OVCH2: variants seen among roughly 807,000 people sequenced by gnomAD.
OVCH2 encodes the protein ovochymase-2.
A neutral mutation model predicts 73.7 loss-of-function variants in OVCH2; 88 were observed. The ratio of observed to expected loss-of-function variants is 1.19; its 90% CI spans 1.01 to 1.43. The LOEUF is 1.43. Among genes scored for constraint, OVCH2 ranks in the 40% most tolerant of loss-of-function variants. OVCH2 has a pLI of 0.00. For missense variants in OVCH2, 706 were observed against 674.5 expected, an observed-to-expected ratio of 1.05 and a Z score of -0.52; for synonymous variants, 265 against 234.5, an observed-to-expected ratio of 1.13 and a Z score of -1.19.
chr11:7,680,540 C>T, the OVCH2 span, among the ~76,000 whole-genome samples: 1 of 152,054 alleles, frequency 6.6e-6, no homozygotes, highest in African/African-American at 2.4e-5. Flanking sequence ...GAAGGCAGTG[C>T]CATAACAGAA....
At chr11:7,691,114 G>GTA in intron 14 of OVCH2, 155 bp downstream of exon 14, 1 of 932,928 alleles carries the variant, frequency 1.1e-6, no homozygotes, top group Non-Finnish European at 1.6e-6. Flanking sequence ...GGATGGCTGA[G>GTA]TATTCTCTTA....
At chr11:7,687,148 A>G (rs1191987437), downstream of OVCH2, among the ~76,000 whole-genome samples, 1 of 152,124 alleles carries the variant, frequency 6.6e-6, no homozygotes, top group Admixed American at 6.5e-5. Context: ...AAAAAAAAGA[A>G]TATATTTTCA....
At chr11:7,698,262 G>A (rs566950999) in intron 8 of OVCH2, among the ~76,000 whole-genome samples, 14 of 151,958 alleles carry the variant, frequency 9.2e-5, no homozygotes, top group African/African-American at 3.4e-4. Flanking sequence ...ATCTTTCCAC[G>A]GGTTCAAAGA....
chr11:7,703,122 T>C (rs995776510), intron 3 of OVCH2, among the ~76,000 whole-genome samples: 1 of 152,184 alleles, frequency 6.6e-6, no homozygotes, highest in African/African-American at 2.4e-5. Context: ...CAGGAAATGT[T>C]TGCAGACTTG....
At chr11:7,685,086 CCAAGAAA>C (rs1470885971), downstream of OVCH2, among the ~76,000 whole-genome samples, 1 of 152,158 alleles carries the variant, frequency 6.6e-6, no homozygotes, top group Non-Finnish European at 1.5e-5. Flanking sequence ...TCTCACTTGA[CCAAGAAA>C]CATGAGAGTC....
chr11:7,686,366 T>A (rs1393961264), downstream of OVCH2, among the ~76,000 whole-genome samples: 1 of 152,224 alleles, frequency 6.6e-6, no homozygotes, highest in Non-Finnish European at 1.5e-5. Flanking sequence ...ATATAATGGA[T>A]TGTACATTAA....
At chr11:7,706,250 G>A (rs547982603) in intron 1 of OVCH2, 57 bp downstream of exon 1, 35 of 1,474,426 alleles carry the variant, frequency 2.4e-5, no homozygotes, top group South Asian at 9.1e-5. Flanking sequence ...GAGTTGTGAC[G>A]TCCATTGCCA....
Position 7,696,338 on chromosome 11 carries a change from T to C in OVCH2, c.1141+127A>G. The C allele has an allele frequency of 4.5e-6, 6 of 1,346,008 alleles. 1 individual carries two copies. Among genetic ancestry groups the C allele is most frequent in the Non-Finnish European group, 6.1e-6 (6 of 987,542 alleles). 83.4% of individuals were successfully genotyped at this position (1,346,008 alleles called of 1,614,324 possible). A position where few individuals can be genotyped will look rare whatever the true frequency, so the allele number is the denominator to read the frequency against. On this transcript the variant is annotated intron_variant, in intron 10 of 15. Coordinates refer to ENST00000533663, the MANE Select transcript of OVCH2 (RefSeq NM_198185.7). ...TTTGGTTCCTTCCCACTCCCAATTC[T>C]GAGTCTCAAAGCGGAAGTCAAGAAG...
At chr11:7,693,988 A>G (rs1719550935) in intron 12 of OVCH2, among the ~76,000 whole-genome samples, 2 of 152,080 alleles carry the variant, frequency 1.3e-5, no homozygotes, top group Admixed American at 1.3e-4. Flanking sequence ...GTTTTAAGTT[A>G]AAGGCTGCAT....
downstream of OVCH2, among the ~76,000 whole-genome samples, chr11:7,687,555 C>T (rs1856156276): frequency 6.6e-6 from 1 of 152,120 alleles, no homozygotes; most frequent in South Asian, 2.1e-4. Flanking sequence ...TTTCTCACCT[C>T]CCATTCACTC....
In OVCH2 at chr11:7,695,082, T is replaced by G; in HGVS notation, c.1389A>C (p.Gln463His). 6.4e-7 allele frequency: 1 copy of G among 1,551,298 alleles called. No individual in the cohort carries two copies. Among genetic ancestry groups the G allele is most frequent in the Non-Finnish European group, 8.7e-7 (1 of 1,146,902 alleles). The change falls in exon 12 of 16, where the codon CAA (glutamine) becomes CAC (histidine). Residue 463 changes from glutamine (Q) to histidine (H), a missense_variant. Coordinates refer to ENST00000533663, the MANE Select transcript of OVCH2 (RefSeq NM_198185.7). ...CCTTAATTAGGTGATGTTTGGAGGC[T>G]TGAAAAATCCAGTCACAGTTAGCCT... ...SDKANCDWIFQASKHHLIKLS... is the reference protein window; with the variant it reads ...SDKANCDWIFHASKHHLIKLS...
chr11:7,691,156 A>G, intron 14 of OVCH2, 113 bp downstream of exon 14: 1 of 1,281,472 alleles, frequency 7.8e-7, no homozygotes, highest in Middle Eastern at 1.9e-4. Flanking sequence ...ATAGGATGTA[A>G]TTACTGCAGA....
At chr11:7,686,516 C>T (rs772470314), downstream of OVCH2, among the ~76,000 whole-genome samples, 7 of 152,148 alleles carry the variant, frequency 4.6e-5, no homozygotes, top group East Asian at 3.8e-4. Context: ...TTATTAAAAA[C>T]GACAGACATT....
chr11:7,694,607 TTTTTG>T (rs982769170), intron 12 of OVCH2, among the ~76,000 whole-genome samples: 8 of 15,940 alleles, frequency 5.0e-4, no homozygotes, highest in African/African-American at 1.3e-3. Flanking sequence ...CAACACAAAG[TTTTTG>T]TTTTGTTTTG....
chr11:7,696,061 A>C (rs1469238417), intron 10 of OVCH2, among the ~76,000 whole-genome samples: 1 of 152,212 alleles, frequency 6.6e-6, no homozygotes, highest in African/African-American at 2.4e-5. Flanking sequence ...GTTTCTTGTA[A>C]GTAACCTGTC....
the OVCH2 span, among the ~76,000 whole-genome samples, chr11:7,682,483 T>C: frequency 6.6e-6 from 1 of 152,256 alleles, no homozygotes; most frequent in African/African-American, 2.4e-5. Flanking sequence ...TCATTGGTAT[T>C]GAGCTGTCAG....
chr11:7,704,450 G>T, intron 2 of OVCH2, 115 bp downstream of exon 2: 2 of 647,130 alleles, frequency 3.1e-6, no homozygotes, highest in Middle Eastern at 2.7e-4. Context: ...TGACTATTCT[G>T]TCTTTCAACC....
At position 7,704,558 on chromosome 11, in the gene OVCH2, G is replaced by A. The variant is rs1565171900; in HGVS notation, c.198+7C>T. ...GTTCTTGATGCATAGAAGTCCTTGA[G>A]ACTCACCTGCCAGGGATAGGAACCC... On this transcript the variant is annotated splice_region_variant and intron_variant, in intron 2 of 15. Coordinates refer to ENST00000533663, the MANE Select transcript of OVCH2 (RefSeq NM_198185.7). 8 of 1,579,290 alleles carry A rather than the reference G, an allele frequency of 5.1e-6. No individual in the cohort carries two copies. Among genetic ancestry groups the A allele is most frequent in the Non-Finnish European group, 7.0e-6 (8 of 1,150,506 alleles).
At chr11:7,681,849 T>G in the OVCH2 span, among the ~76,000 whole-genome samples, 6 of 93,852 alleles carry the variant, frequency 6.4e-5, no homozygotes, top group African/African-American at 1.6e-4. Flanking sequence ...AAGGGGGAAA[T>G]GTCCAAAAAA....
Sources: allele counts gnomAD v4.1 joint callset (sites outside exome capture counted in the v4.1 genomes callset), GRCh38; gene constraint gnomAD v4.1.1; transcripts MANE v1.5; gene names NCBI Gene and HGNC (gene_info 2026-07-23, HGNC 2026-07-21).